CDH18: variants seen among roughly 807,000 people sequenced by gnomAD.
The protein encoded by CDH18 is cadherin-18.
A neutral mutation model predicts 67.9 loss-of-function variants in CDH18; 31 were observed. That is an observed-to-expected ratio of 0.46 (90% CI 0.34 to 0.62). The LOEUF (loss-of-function observed/expected upper bound fraction) is 0.62. Among genes scored for constraint, CDH18 ranks in the 20% least tolerant of loss-of-function variants. The pLI, the probability that CDH18 is intolerant of heterozygous loss-of-function variation, is 0.01. For synonymous variants in CDH18, 362 were observed against 347.2 expected, an observed-to-expected ratio of 1.04 and a Z score of -0.48; for missense variants, 890 against 975.5, an observed-to-expected ratio of 0.91 and a Z score of 1.17.
chr5:20,084,694 T>C (rs1744798884), intron 2 of CDH18, among the ~76,000 whole-genome samples: 1 of 152,206 alleles, frequency 6.6e-6, no homozygotes, highest in African/African-American at 2.4e-5. Flanking sequence ...CAAACCTCAA[T>C]TCTTGACTTC....
chr5:19,691,898 C>T (rs1761939129), intron 5 of CDH18, among the ~76,000 whole-genome samples: 1 of 151,708 alleles, frequency 6.6e-6, no homozygotes, highest in South Asian at 2.1e-4. Flanking sequence ...TCATATGGAA[C>T]CATATAAGAG....
intron 1 of CDH18, among the ~76,000 whole-genome samples, chr5:20,342,149 C>T (rs1216239278): frequency 6.6e-6 from 1 of 152,070 alleles, no homozygotes; most frequent in African/African-American, 2.4e-5. Flanking sequence ...ATGAAAGATC[C>T]ATGCACAGCC....
intron 2 of CDH18, among the ~76,000 whole-genome samples, chr5:20,169,911 A>G (rs1736564292): frequency 6.6e-6 from 1 of 152,176 alleles, no homozygotes; most frequent in African/African-American, 2.4e-5. Flanking sequence ...TTTATAAGCA[A>G]CAAAGATAGA....
intron 1 of CDH18, among the ~76,000 whole-genome samples, chr5:20,510,661 T>G (rs1754977122): frequency 6.6e-6 from 1 of 152,128 alleles, no homozygotes; most frequent in Non-Finnish European, 1.5e-5. Flanking sequence ...ATTCCTTAAG[T>G]TAGTTGATAA....
chr5:19,955,034 C>T (rs1347974315), intron 2 of CDH18, among the ~76,000 whole-genome samples: 1 of 151,978 alleles, frequency 6.6e-6, no homozygotes, highest in Non-Finnish European at 1.5e-5. Context: ...GTGGTTTCTC[C>T]CATGCTGCTC....
intron 1 of CDH18, chr5:20,305,666 G>A: frequency 2.1e-6 from 1 of 487,712 alleles, no homozygotes; most frequent in Non-Finnish European, 3.7e-6. Flanking sequence ...AGCGGCGGTA[G>A]GGGAGATCCT....
intron 2 of CDH18, among the ~76,000 whole-genome samples, chr5:20,158,110 A>G (rs1751697591): frequency 1.3e-5 from 2 of 152,198 alleles, no homozygotes; most frequent in Non-Finnish European, 2.9e-5. Context: ...AATGCTGAAT[A>G]TGTAATACGG....
In CDH18 at chr5:20,009,826, G is replaced by A. The variant is rs536438601; in HGVS notation, c.-517-17812C>T. Among the ~76,000 whole-genome samples, 16 of 152,030 alleles carry A rather than the reference G, an allele frequency of 1.1e-4. No individual in the cohort carries two copies. In the South Asian group the frequency reaches 3.1e-3, roughly 30 times the overall value. ...CCAATAATGCCAGTATTTGCTTCTT[G>A]TTCTTTGTTTTCATGCCCCTAATAC... On this transcript the variant is annotated intron_variant, in intron 2 of 14. Transcript: ENST00000507958.
At chr5:20,056,469 C>CTT (rs1580139083) in intron 2 of CDH18, among the ~76,000 whole-genome samples, 3 of 16,986 alleles carry the variant, frequency 1.8e-4, no homozygotes, top group African/African-American at 4.3e-4. Flanking sequence ...TCTTTATTTT[C>CTT]TTTCTTTTGT....
At chr5:20,171,961 A>C (rs987793624) in intron 2 of CDH18, among the ~76,000 whole-genome samples, 4 of 150,434 alleles carry the variant, frequency 2.7e-5, no homozygotes, top group African/African-American at 9.8e-5. Context: ...TTATCTCATC[A>C]CTATTTATTC....
At chr5:19,658,329 G>T (rs1756688578) in intron 5 of CDH18, among the ~76,000 whole-genome samples, 1 of 152,032 alleles carries the variant, frequency 6.6e-6, no homozygotes, top group Non-Finnish European at 1.5e-5. Context: ...TTAAAATGAT[G>T]ACTTACTGCA....
At chr5:19,800,646 A>G (rs2149846094) in intron 3 of CDH18, among the ~76,000 whole-genome samples, 1 of 152,304 alleles carries the variant, frequency 6.6e-6, no homozygotes, top group African/African-American at 2.4e-5. Context: ...AGGACAAGGG[A>G]AAAAGAGGTA....
chr5:20,119,292 C>A (rs1434500802), intron 2 of CDH18, among the ~76,000 whole-genome samples: 5 of 152,114 alleles, frequency 3.3e-5, no homozygotes, highest in Admixed American at 6.6e-5. Flanking sequence ...TCCACTGACT[C>A]CTGTAATACC....
chr5:20,293,173 C>T (rs1412320698), intron 1 of CDH18, among the ~76,000 whole-genome samples: 5 of 151,890 alleles, frequency 3.3e-5, no homozygotes, highest in Admixed American at 2.6e-4. Context: ...AAAAATTATC[C>T]GAGAGTGGTA....
intron 2 of CDH18, among the ~76,000 whole-genome samples, chr5:20,108,096 G>C (rs1452349386): frequency 6.6e-6 from 1 of 151,574 alleles, no homozygotes; most frequent in Non-Finnish European, 1.5e-5. Flanking sequence ...GTTTTGTTTT[G>C]TTTTGAGGCA....
intron 1 of CDH18, among the ~76,000 whole-genome samples, chr5:20,473,593 A>G (rs1447531998): frequency 7.9e-5 from 12 of 151,602 alleles, no homozygotes; most frequent in Admixed American, 3.9e-4. Flanking sequence ...TGAATTTCTT[A>G]TTTTCTTGGG....
At chr5:20,463,073 C>T (rs2150226878) in intron 1 of CDH18, among the ~76,000 whole-genome samples, 1 of 152,140 alleles carries the variant, frequency 6.6e-6, no homozygotes, top group East Asian at 1.9e-4. Context: ...CTGCCTTTTG[C>T]CAGAAAATTC....
At chr5:19,891,901 T>G (rs1293704708) in intron 2 of CDH18, among the ~76,000 whole-genome samples, 1 of 152,190 alleles carries the variant, frequency 6.6e-6, no homozygotes, top group Non-Finnish European at 1.5e-5. Flanking sequence ...GAAGGACACT[T>G]CGAGAAACAA....
chr5:20,328,508 TGAGAGA>T (rs1186669088), intron 1 of CDH18, among the ~76,000 whole-genome samples: 42 of 112,108 alleles, frequency 3.7e-4, no homozygotes, highest in African/African-American at 1.1e-3. Flanking sequence ...TGTGTGTGTG[TGAGAGA>T]GAGAGAGAGA....
Sources: gnomAD v4.1 joint callset for allele counts (sites outside exome capture counted in the v4.1 genomes callset) on GRCh38, gnomAD v4.1.1 for gene constraint, MANE v1.5 for transcripts, NCBI Gene and HGNC (gene_info 2026-07-23, HGNC 2026-07-21) for gene names.